The following TMEM131L variants were observed in gnomAD, a reference collection of about 807,000 sequenced individuals.
TMEM131L encodes transmembrane 131 like.
A neutral mutation model predicts 192.2 loss-of-function variants in TMEM131L; 54 were observed. The observed-to-expected ratio is 0.28, with a 90% confidence interval of 0.23 to 0.35. The LOEUF (loss-of-function observed/expected upper bound fraction) is 0.35, where lower values mean the gene tolerates loss of function less well. TMEM131L is among the 10% of genes least tolerant of loss of function. The pLI is 1.00. For missense variants in TMEM131L, 1,888 were observed against 1,972.9 expected (o/e 0.96, Z 0.82); for synonymous variants, 701 against 704.9 (o/e 0.99, Z 0.09).
intron 31 of TMEM131L, among the ~76,000 whole-genome samples, chr4:153,628,520 CAT>C (rs1394494403): frequency 2.6e-5 from 4 of 152,202 alleles, no homozygotes; most frequent in Non-Finnish European, 5.9e-5. Context: ...CTGCTCTGCA[CAT>C]TGGAGAATTT....
At position 153,622,956 on chromosome 4, in the gene TMEM131L, C is replaced by T; in HGVS notation, c.3918C>T (p.Ser1306=). 2 of 1,614,248 alleles carry T rather than the reference C, an allele frequency of 1.2e-6. No individual in the cohort carries two copies. The highest frequency in any genetic ancestry group is 1.7e-6 in the Non-Finnish European group (2 of 1,180,024). Residue 1306 remains serine, a synonymous_variant, in exon 29 of 35, where the codon AGC becomes AGT. Coordinates refer to ENST00000409959, the MANE Select transcript of TMEM131L (RefSeq NM_001131007.2). ...KCVDKFCSDS[S]SDCGSSSGSV... Reference sequence around the variant, plus strand: ...TGGACAAGTTCTGCTCCGATTCCAGCTCTGACTGTGGGAGCTCCTCTGGCA... The same window carrying T: ...TGGACAAGTTCTGCTCCGATTCCAGTTCTGACTGTGGGAGCTCCTCTGGCA...
chr4:153,558,812 G>T (rs1344716969), intron 7 of TMEM131L: 1 of 152,634 alleles, frequency 6.6e-6, no homozygotes, highest in Non-Finnish European at 1.5e-5. Flanking sequence ...GGCCCCTAAG[G>T]ATGTCCTGCT....
intron 26 of TMEM131L, among the ~76,000 whole-genome samples, chr4:153,620,547 A>G (rs1263048699): frequency 1.3e-5 from 2 of 152,242 alleles, no homozygotes; most frequent in Non-Finnish European, 2.9e-5. Flanking sequence ...TTTATAGGCA[A>G]CAATTCTTTT....
In TMEM131L at chr4:153,604,396, G is replaced by A. The variant is rs748150849; in HGVS notation, c.3384G>A (p.Gln1128=). 2.5e-6 allele frequency: 4 copies of A among 1,597,408 alleles called. No individual in the cohort carries two copies. The East Asian group carries it at 6.7e-5, about 27-fold the overall frequency. ...CAAGAAACTCACCTCAGTACCACCA[G>A]CCAGACTTGCCAGAAATTTCCAGGA... ...HLPRNSPQYH[Q]PDLPEISRKN... The change falls in exon 25 of 35, where the codon CAG becomes CAA. Residue 1128 remains glutamine (Q), a synonymous_variant. Coordinates refer to ENST00000409959, the MANE Select transcript of TMEM131L (RefSeq NM_001131007.2).
intron 3 of TMEM131L, among the ~76,000 whole-genome samples, chr4:153,499,334 T>A (rs1024497108): frequency 2.6e-5 from 4 of 152,228 alleles, no homozygotes; most frequent in African/African-American, 9.6e-5. Flanking sequence ...ACCTGCCGCA[T>A]TGTGTGATAT....
intron 3 of TMEM131L, among the ~76,000 whole-genome samples, chr4:153,522,767 T>G (rs1469774767): frequency 6.6e-6 from 1 of 152,248 alleles, no homozygotes; most frequent in Non-Finnish European, 1.5e-5. Context: ...TCTCATCGTG[T>G]GCCACAGCCC....
intron 7 of TMEM131L, among the ~76,000 whole-genome samples, chr4:153,573,961 G>A (rs1561204261): frequency 6.6e-6 from 1 of 152,216 alleles, no homozygotes; most frequent in South Asian, 2.1e-4. Context: ...GAGGCCTACT[G>A]TGTACCCAGT....
At chr4:153,551,568 C>G (rs1737624509) in intron 4 of TMEM131L, among the ~76,000 whole-genome samples, 1 of 152,006 alleles carries the variant, frequency 6.6e-6, no homozygotes, top group Non-Finnish European at 1.5e-5. Flanking sequence ...GTTGGCCAGG[C>G]TAGTCTCAAA....
chr4:153,525,284 C>G (rs1293995015), intron 3 of TMEM131L, among the ~76,000 whole-genome samples: 2 of 152,166 alleles, frequency 1.3e-5, no homozygotes, highest in Non-Finnish European at 2.9e-5. Context: ...ACCTCTAGAG[C>G]CAGTGCCTGT....
At chr4:153,532,046 A>G (rs1210248328) in intron 3 of TMEM131L, among the ~76,000 whole-genome samples, 2 of 152,178 alleles carry the variant, frequency 1.3e-5, no homozygotes, top group African/African-American at 4.8e-5. Context: ...TTAGCTCTAG[A>G]TGATTGGAGT....
chr4:153,603,735 T>C (rs1732011239), intron 24 of TMEM131L, 67 bp from the exon 25 acceptor site: 2 of 1,473,886 alleles, frequency 1.4e-6, no homozygotes, highest in East Asian at 4.5e-5. Flanking sequence ...CTCATGGATA[T>C]GGAAGCAGAC....
intron 3 of TMEM131L, among the ~76,000 whole-genome samples, chr4:153,511,185 T>C (rs1406153656): frequency 6.6e-6 from 1 of 152,240 alleles, no homozygotes; most frequent in Admixed American, 6.5e-5. Context: ...TGCACTTGTA[T>C]GTTCATTGTA....
At chr4:153,615,410 A>G (rs952384902) in intron 26 of TMEM131L, among the ~76,000 whole-genome samples, 1 of 152,194 alleles carries the variant, frequency 6.6e-6, no homozygotes, top group Non-Finnish European at 1.5e-5. Flanking sequence ...TTTGGGCGTT[A>G]CCCATGTGGT....
chr4:153,607,072 TTAAAAA>T (rs1401197397), intron 25 of TMEM131L, among the ~76,000 whole-genome samples: 5 of 152,220 alleles, frequency 3.3e-5, no homozygotes, highest in Non-Finnish European at 7.3e-5. Context: ...ATTTTAAATA[TTAAAAA>T]TAAGAAAGGA....
intron 5 of TMEM131L, 145 bp downstream of exon 5, chr4:153,556,055 G>C (rs1561188592): frequency 2.2e-6 from 1 of 444,866 alleles, no homozygotes; most frequent in Non-Finnish European, 3.0e-6. Context: ...GTTTACCTTA[G>C]CATTTACTTT....
At chr4:153,587,530 T>C (rs1247417510) in intron 14 of TMEM131L, among the ~76,000 whole-genome samples, 8 of 152,188 alleles carry the variant, frequency 5.3e-5, no homozygotes, top group Admixed American at 5.2e-4. Context: ...CATTGATTAT[T>C]GTGCCTGCAG....
intron 21 of TMEM131L, among the ~76,000 whole-genome samples, chr4:153,600,099 T>G (rs537205971): frequency 6.6e-6 from 1 of 152,210 alleles, no homozygotes; most frequent in South Asian, 2.1e-4. Flanking sequence ...GTGTGGTGGC[T>G]CACGCCTATA....
intron 20 of TMEM131L, among the ~76,000 whole-genome samples, chr4:153,598,018 C>T (rs1477138489): frequency 6.6e-6 from 1 of 151,954 alleles, no homozygotes; most frequent in African/African-American, 2.4e-5. Context: ...ACATGCTAGT[C>T]TGAATTACTA....
chr4:153,588,337 GT>G (rs35057989), intron 15 of TMEM131L, among the ~76,000 whole-genome samples: 3,014 of 122,592 alleles, frequency 0.025, 48 homozygotes, highest in Non-Finnish European at 0.034. Flanking sequence ...TTAAAGTATA[GT>G]TTTTTTTTTT....
Sources: gnomAD v4.1 joint callset for allele counts (sites outside exome capture counted in the v4.1 genomes callset) on GRCh38, gnomAD v4.1.1 for gene constraint, MANE v1.5 for transcripts, NCBI Gene and HGNC (gene_info 2026-07-23, HGNC 2026-07-21) for gene names.